The following SAYSD1 variants were observed in gnomAD, a reference collection of about 807,000 sequenced individuals.
SAYSD1 encodes the protein SAYSVFN motif domain containing 1, also known as SAYSvFN domain-containing protein 1.
SAYSD1 carries 15 observed loss-of-function variants against 14.5 expected under a neutral mutation model. The ratio of observed to expected loss-of-function variants is 1.03; its 90% CI spans 0.69 to 1.59. The LOEUF (loss-of-function observed/expected upper bound fraction) is 1.59, where lower values mean the gene tolerates loss of function less well. Among genes scored for constraint, SAYSD1 ranks in the 40% most tolerant of loss-of-function variants. SAYSD1 has a pLI of 0.00. For missense variants in SAYSD1, 247 were observed against 227.3 expected, an observed-to-expected ratio of 1.09 and a Z score of -0.56; for synonymous variants, 105 against 102.6, an observed-to-expected ratio of 1.02 and a Z score of -0.14.
Position 39,115,135 on chromosome 6 carries a change from C to CGTCCGT in SAYSD1, c.-47_-46insACGGAC. On this transcript the variant is annotated 5_prime_UTR_variant, in exon 1 of 2. Transcript: ENST00000229903. ...TGGCCGATAAGGGAGCGCGCGCCCG[C>CGTCCGT]AGGCCGCACAGCAGTTGCCTCCGCT... The CGTCCGT allele has an allele frequency of 6.4e-7, 1 of 1,550,396 alleles. No homozygotes were observed. Among genetic ancestry groups the CGTCCGT allele is most frequent in the South Asian group, 1.2e-5 (1 of 85,918 alleles).
intron 1 of SAYSD1, among the ~76,000 whole-genome samples, chr6:39,106,996 C>T (rs1170332496): frequency 6.6e-6 from 1 of 152,206 alleles, no homozygotes; most frequent in African/African-American, 2.4e-5. Flanking sequence ...CACAAGTCAA[C>T]ACTTACCCTC....
chr6:39,115,006 T>G lies in SAYSD1; in HGVS notation c.84A>C (p.Ala28=). ...AAQPPAASQG[A]QTPGEKAEAA... ...CTTCCGCCTTCTCTCCTGGGGTTTG[T>G]GCGCCCTGACTGGCAGCAGGGGGTT... The change falls in exon 1 of 2, where the codon GCA becomes GCC. Residue 28 remains alanine, a synonymous_variant. Coordinates refer to ENST00000229903, the MANE Select transcript of SAYSD1 (RefSeq NM_018322.3). 1 of 1,613,764 alleles carries G rather than the reference T, an allele frequency of 6.2e-7. No individual in the cohort carries two copies. The highest frequency in any genetic ancestry group is 8.5e-7 in the Non-Finnish European group (1 of 1,179,922).
intron 1 of SAYSD1, 129 bp downstream of exon 1, chr6:39,114,754 C>A: frequency 1.1e-6 from 1 of 871,668 alleles, no homozygotes; most frequent in Admixed American, 2.3e-5. Context: ...AGCGGTCCGG[C>A]CCTCGATCAG....
intron 1 of SAYSD1, among the ~76,000 whole-genome samples, chr6:39,107,089 T>C (rs1769520516): frequency 6.6e-6 from 1 of 152,206 alleles, no homozygotes; most frequent in African/African-American, 2.4e-5. Context: ...AATTTCACCA[T>C]CCACTAATGG....
At chr6:39,109,243 T>C (rs1160855691) in intron 1 of SAYSD1, 6 of 1,393,802 alleles carry the variant, frequency 4.3e-6, no homozygotes, top group African/African-American at 2.9e-5. Flanking sequence ...CAGGGTGGTG[T>C]GCTGGGGGCT....
chr6:39,105,167 G>T lies in SAYSD1; in HGVS notation c.*265C>A. 2.3e-6 allele frequency: 1 copy of T among 444,008 alleles called. No individual in the cohort carries two copies. The highest frequency in any genetic ancestry group is 4.2e-5 in the East Asian group (1 of 23,818). 27.5% of individuals were successfully genotyped at this position (444,008 alleles called of 1,614,324 possible). A position where few individuals can be genotyped will look rare whatever the true frequency, so the allele number is the denominator to read the frequency against. On this transcript the variant is annotated 3_prime_UTR_variant, in exon 2 of 2. Transcript: ENST00000229903. ...CTAAAATCATCTCCCAAACAGATGA[G>T]AAATGAAACAAACAGGTCTCCCTTC...
intron 1 of SAYSD1, chr6:39,112,646 C>CCTTA (rs1438799763): frequency 6.6e-6 from 1 of 152,182 alleles, no homozygotes; most frequent in Admixed American, 6.5e-5. Context: ...ACAAAAGGAC[C>CCTTA]TAAGCCAAGT....
chr6:39,105,184 T>C lies in SAYSD1; in HGVS notation c.*248A>G. On this transcript the variant is annotated 3_prime_UTR_variant, in exon 2 of 2. Coordinates refer to ENST00000229903, the MANE Select transcript of SAYSD1 (RefSeq NM_018322.3). ...ACAGATGAGAAATGAAACAAACAGG[T>C]CTCCCTTCTTGAGTACATAATTTTT... 6.3e-6 allele frequency: 3 copies of C among 474,208 alleles called. No individual in the cohort carries two copies. Among genetic ancestry groups the C allele is most frequent in the Non-Finnish European group, 1.1e-5 (3 of 264,566 alleles). The allele number at this position is 474,208 out of a possible 1,614,324, so 29.4% of individuals were successfully genotyped here.
intron 1 of SAYSD1, among the ~76,000 whole-genome samples, chr6:39,107,928 C>G (rs1769536011): frequency 6.6e-6 from 1 of 152,048 alleles, no homozygotes; most frequent in African/African-American, 2.4e-5. Context: ...AGTGAAGATT[C>G]TGGAAATGGG....
At chr6:39,109,247 G>C in intron 1 of SAYSD1, 1 of 1,428,064 alleles carries the variant, frequency 7.0e-7, no homozygotes, top group Non-Finnish European at 9.7e-7. Context: ...GTGGTGTGCT[G>C]GGGGCTTGCC....
intron 1 of SAYSD1, among the ~76,000 whole-genome samples, chr6:39,106,534 A>T (rs1197367855): frequency 6.6e-6 from 1 of 150,478 alleles, no homozygotes; most frequent in Non-Finnish European, 1.5e-5. Context: ...CTCAAAAACA[A>T]ACAAAAACCA....
chr6:39,106,955 T>C (rs941607467), intron 1 of SAYSD1, among the ~76,000 whole-genome samples: 1 of 152,232 alleles, frequency 6.6e-6, no homozygotes, highest in African/African-American at 2.4e-5. Flanking sequence ...TTTTAGACTG[T>C]AATCCAGAAT....
intron 1 of SAYSD1, chr6:39,109,621 C>T: frequency 3.1e-6 from 4 of 1,275,062 alleles, no homozygotes; most frequent in Non-Finnish European, 4.0e-6. Flanking sequence ...ATCCCTTCAT[C>T]TGTAGATGGA....
Position 39,105,134 on chromosome 6 carries a change from C to G in SAYSD1, c.*298G>C, listed in dbSNP as rs1388828174. 2 of 359,236 alleles carry G rather than the reference C, an allele frequency of 5.6e-6. No homozygotes were observed. Among genetic ancestry groups the G allele is most frequent in the South Asian group, 3.6e-5 (1 of 27,712 alleles). 22.3% of individuals were successfully genotyped at this position (359,236 alleles called of 1,614,324 possible). A position where few individuals can be genotyped will look rare whatever the true frequency, so the allele number is the denominator to read the frequency against. ...AGCTGAGAATCTCCCCAGTGCCTTTCTAGTGCTCTAAAATCATCTCCCAAA... is the reference window on the plus strand; with the variant it reads ...AGCTGAGAATCTCCCCAGTGCCTTTGTAGTGCTCTAAAATCATCTCCCAAA... On this transcript the variant is annotated 3_prime_UTR_variant, in exon 2 of 2. Transcript: ENST00000229903.
rs754497381 is a variant in SAYSD1, at chr6:39,104,487, T to C, written c.*945A>G. ...TTACTCTAAAGCCCTTAGAACCGTA[T>C]TGTGAACTGCGCATGCGAGGGATCT... On this transcript the variant is annotated 3_prime_UTR_variant, in exon 2 of 2. Transcript: ENST00000229903. 1.3e-5 allele frequency: 2 copies of C among 152,042 alleles called. No homozygotes were observed. The highest frequency in any genetic ancestry group is 2.9e-5 in the Non-Finnish European group (2 of 68,036). The allele number at this position is 152,042 out of a possible 1,614,324, so 9.4% of individuals were successfully genotyped here.
Position 39,107,694 on chromosome 6 carries a change from T to C in SAYSD1, c.208-1918A>G, listed in dbSNP as rs147498839. On this transcript the variant is annotated intron_variant, in intron 1 of 1. Transcript: ENST00000229903. ...TTTTCAGTTAGATTAGAAAGTCTGA[T>C]TGGAGAGGCCCTTATATTATCAGCC... Among the ~76,000 whole-genome samples, 480 of 152,330 alleles carry C rather than the reference T, an allele frequency of 3.2e-3. 1 individual carries two copies. Among genetic ancestry groups the C allele is most frequent in the Non-Finnish European group, 5.8e-3 (393 of 68,030 alleles).
At chr6:39,107,968 A>G (rs1290415034) in intron 1 of SAYSD1, among the ~76,000 whole-genome samples, 1 of 152,186 alleles carries the variant, frequency 6.6e-6, no homozygotes, top group African/African-American at 2.4e-5. Context: ...CAGGGAACTA[A>G]CCAAAAGCAT....
Position 39,105,293 on chromosome 6 carries a change from G to C in SAYSD1, c.*139C>G. ...AGATCAAATGGCAGCAAAAGATCAG[G>C]GAAAGAAGGTAGAAAAACTATGCAG... On this transcript the variant is annotated 3_prime_UTR_variant, in exon 2 of 2. Transcript: ENST00000229903. 1 of 675,162 alleles carries C rather than the reference G, an allele frequency of 1.5e-6. No individual in the cohort carries two copies. Among genetic ancestry groups the C allele is most frequent in the Non-Finnish European group, 2.5e-6 (1 of 398,122 alleles). The allele number at this position is 675,162 out of a possible 1,614,324, so 41.8% of individuals were successfully genotyped here. A position where few individuals can be genotyped will look rare whatever the true frequency, so the allele number is the denominator to read the frequency against.
rs757778363 is a variant in SAYSD1 at position 39,105,819 on chromosome 6, G to A, written c.208-43C>T. On this transcript the variant is annotated intron_variant, in intron 1 of 1. Coordinates refer to ENST00000229903, the MANE Select transcript of SAYSD1 (RefSeq NM_018322.3). ...ACAAAAGAAAGAATAAAGGGTAATG[G>A]AGCTGAGATGATCAAAACTAATCTG... is the stretch of plus-strand genomic sequence containing the variant. 4.1e-5 allele frequency: 63 copies of A among 1,553,542 alleles called. No individual in the cohort carries two copies. In the East Asian group the frequency reaches 1.4e-3, roughly 34 times the overall value.
Sources: gnomAD v4.1 joint callset for allele counts (sites outside exome capture counted in the v4.1 genomes callset) on GRCh38, gnomAD v4.1.1 for gene constraint, MANE v1.5 for transcripts, NCBI Gene and HGNC (gene_info 2026-07-23, HGNC 2026-07-21) for gene names.